GPR174: variants seen among roughly 807,000 people sequenced by gnomAD.
GPR174 encodes G protein-coupled receptor 174.
GPR174 carries 8 observed loss-of-function variants against 16.5 expected under a neutral mutation model. The ratio of observed to expected loss-of-function variants is 0.48; its 90% CI spans 0.28 to 0.87. The LOEUF (loss-of-function observed/expected upper bound fraction) is 0.87, where lower values mean the gene tolerates loss of function less well. Among genes scored for constraint, GPR174 ranks in the 40% least tolerant of loss-of-function variants. GPR174 has a pLI of 0.09. For synonymous variants in GPR174, 111 were observed against 94.8 expected (o/e 1.17, Z -0.99); for missense variants, 214 against 247.5 (o/e 0.86, Z 0.91).
rs982317197 is a variant in GPR174 at position 79,167,708 on chromosome X, C to G, written c.-556-2744C>G. Reference sequence around the variant, plus strand: ...AAAAGAGCACTTCTCAGAGCAGAGACACAGAATGCAGTCTGATTAAGAGGA... The same window carrying G: ...AAAAGAGCACTTCTCAGAGCAGAGAGACAGAATGCAGTCTGATTAAGAGGA... On this transcript the variant is annotated intron_variant, in intron 2 of 2. Transcript: ENST00000645147. Among the ~76,000 whole-genome samples, 5 of 111,996 alleles carry G rather than the reference C, an allele frequency of 4.5e-5. No homozygotes were observed. In the Admixed American group the frequency reaches 4.7e-4, roughly 11 times the overall value.
chrX:79,152,142 G>A (rs1926612254), intron 1 of GPR174, among the ~76,000 whole-genome samples: 1 of 111,523 alleles, frequency 9.0e-6, no homozygotes, highest in African/African-American at 3.3e-5. Context: ...ATTGTACACA[G>A]AGGCTCTCCT....
At chrX:79,148,858 G>A (rs143176351) in intron 1 of GPR174, among the ~76,000 whole-genome samples, 1,958 of 111,408 alleles carry the variant, frequency 0.018, 70 homozygotes, top group Admixed American at 0.11. Flanking sequence ...TTAAGTATAG[G>A]ATGACAGTGA....
intron 2 of GPR174, among the ~76,000 whole-genome samples, chrX:79,170,243 T>G (rs1001595903): frequency 1.8e-5 from 2 of 111,870 alleles, no homozygotes; most frequent in Non-Finnish European, 3.8e-5. Context: ...TTCATGAATT[T>G]TGAGTAACAA....
At chrX:79,157,995 G>T (rs758985534) in intron 2 of GPR174, among the ~76,000 whole-genome samples, 1 of 107,704 alleles carries the variant, frequency 9.3e-6, no homozygotes, top group Non-Finnish European at 1.9e-5. Context: ...CTCCTGTAGC[G>T]CACATATCCC....
At chrX:79,156,458 A>G (rs2147451383) in intron 1 of GPR174, among the ~76,000 whole-genome samples, 1 of 112,105 alleles carries the variant, frequency 8.9e-6, no homozygotes, top group South Asian at 3.8e-4. Context: ...TGAGAAAAAG[A>G]CAACTTTTAC....
rs771463391 is a variant in GPR174 at position 79,172,718 on chromosome X, G to C, written c.*709G>C. On this transcript the variant is annotated 3_prime_UTR_variant, in exon 3 of 3. Transcript: ENST00000645147. ...ACCCTCTGTGACTGGAAAAGATGCC[G>C]TGTTGCATCTACCTAGGACAGGTAG... 1 of 111,671 alleles carries C rather than the reference G, an allele frequency of 9.0e-6. No homozygotes were observed. Among genetic ancestry groups the C allele is most frequent in the African/African-American group, 3.3e-5 (1 of 30,691 alleles). 9.2% of individuals were successfully genotyped at this position (111,671 alleles called of 1,213,427 possible).
chrX:79,147,029 G>C (rs1926514408), intron 1 of GPR174, among the ~76,000 whole-genome samples: 1 of 111,868 alleles, frequency 8.9e-6, no homozygotes, highest in South Asian at 3.7e-4. Context: ...TAGGTCTCAA[G>C]AATCAGTCTC....
chrX:79,169,203 A>G (rs73509623), intron 2 of GPR174, among the ~76,000 whole-genome samples: 16,081 of 108,584 alleles, frequency 0.15, 996 homozygotes, highest in African/African-American at 0.18. Context: ...TATGCTGAGG[A>G]AAAAAAAAAT....
chrX:79,151,051 A>C (rs1926591723), intron 1 of GPR174, among the ~76,000 whole-genome samples: 1 of 110,928 alleles, frequency 9.0e-6, no homozygotes, highest in African/African-American at 3.3e-5. Context: ...TTCTAAATCA[A>C]GTATATTTTT....
chrX:79,166,551 G>A (rs1289924518), intron 2 of GPR174, among the ~76,000 whole-genome samples: 1 of 95,974 alleles, frequency 1.0e-5, no homozygotes, highest in Non-Finnish European at 2.0e-5. Context: ...CGATTCTCCT[G>A]CCTCAGTGTC....
Position 79,172,157 on chromosome X carries a change from C to T in GPR174, c.*148C>T. 1.8e-6 allele frequency: 1 copy of T among 546,549 alleles called. No homozygotes were observed. Among genetic ancestry groups the T allele is most frequent in the Non-Finnish European group, 2.9e-6 (1 of 348,025 alleles). 45.0% of individuals were successfully genotyped at this position (546,549 alleles called of 1,213,427 possible). A position where few individuals can be genotyped will look rare whatever the true frequency, so the allele number is the denominator to read the frequency against. On this transcript the variant is annotated 3_prime_UTR_variant, in exon 3 of 3. Transcript: ENST00000645147. ...CTATGGGGAATTCACTTCTTCAAAGCAGGACCTATTTGGAGCATTACGATC... is the reference window on the plus strand; with the variant it reads ...CTATGGGGAATTCACTTCTTCAAAGTAGGACCTATTTGGAGCATTACGATC...
Position 79,171,970 on chromosome X carries a change from T to A in GPR174, c.963T>A (p.Ser321Arg). The A allele has an allele frequency of 8.3e-7, 1 of 1,204,341 alleles. No homozygotes were observed. The highest frequency in any genetic ancestry group is 1.1e-6 in the Non-Finnish European group (1 of 892,153). ...AACTCCATGCAAAATCCTTTGTGAG[T>A]AACCATACAGCTTCCACCATGACAC... ...SIQLHAKSFVSNHTASTMTPE... is the reference protein window; with the variant it reads ...SIQLHAKSFVRNHTASTMTPE... Residue 321 changes from serine to arginine, a missense_variant, in exon 3 of 3, where the codon AGT (serine) becomes AGA (arginine). Coordinates refer to ENST00000645147, the MANE Select transcript of GPR174 (RefSeq NM_032553.3).
intron 1 of GPR174, among the ~76,000 whole-genome samples, chrX:79,152,686 A>G (rs1342688587): frequency 9.0e-6 from 1 of 111,690 alleles, no homozygotes; most frequent in African/African-American, 3.3e-5. Context: ...ACAGGCACCA[A>G]TCACAAGTTT....
In GPR174 at chrX:79,172,309, A is replaced by G; in HGVS notation, c.*300A>G. The G allele has an allele frequency of 8.4e-6, 2 of 237,249 alleles. No homozygotes were observed. Among genetic ancestry groups the G allele is most frequent in the South Asian group, 3.8e-4 (2 of 5,306 alleles). The allele number at this position is 237,249 out of a possible 1,213,427, so 19.6% of individuals were successfully genotyped here. A position where few individuals can be genotyped will look rare whatever the true frequency, so the allele number is the denominator to read the frequency against. ...ACTGTAGTCAGTACTTTTACCTGTG[A>G]ACCTCAGGCACAAAAAGATTATTAG... On this transcript the variant is annotated 3_prime_UTR_variant, in exon 3 of 3. Transcript: ENST00000645147.
intron 1 of GPR174, among the ~76,000 whole-genome samples, chrX:79,147,524 A>G (rs1046043632): frequency 7.4e-5 from 7 of 95,096 alleles, no homozygotes; most frequent in African/African-American, 2.7e-4. Flanking sequence ...AAAAAAACCC[A>G]AAGTGCAAAC....
chrX:79,167,860 T>C (rs1921414456), intron 2 of GPR174, among the ~76,000 whole-genome samples: 1 of 112,005 alleles, frequency 8.9e-6, no homozygotes, highest in African/African-American at 3.2e-5. Flanking sequence ...CTTCATGAAA[T>C]TGACCTTTGA....
At chrX:79,167,190 T>C (rs887681767) in intron 2 of GPR174, among the ~76,000 whole-genome samples, 3 of 112,175 alleles carry the variant, frequency 2.7e-5, no homozygotes, top group African/African-American at 9.7e-5. Context: ...AATAACTGAA[T>C]TGGTTTTGAT....
rs146231527 is a variant in GPR174 at position 79,171,613 on chromosome X, A to G, written c.606A>G (p.Leu202=). The change falls in exon 3 of 3, where the codon CTA becomes CTG. Residue 202 remains leucine, a synonymous_variant. Coordinates refer to ENST00000645147, the MANE Select transcript of GPR174 (RefSeq NM_032553.3). ...TTGTAACTCCGCTTCTGATTGTCCT[A>G]TATTGTACCTGGAAGACGGTTTTAT... is the stretch of plus-strand genomic sequence containing the variant. The part of the protein sequence containing the change: ...IGFVTPLLIV[L]YCTWKTVLSL... 5.6e-4 allele frequency: 683 copies of G among 1,209,154 alleles called. 1 individual carries two copies. The African/African-American group carries it at 0.011, about 19-fold the overall frequency.
chrX:79,170,582 T>C lies in GPR174; in HGVS notation c.-426T>C, dbSNP rs1447031770. 8.1e-6 allele frequency: 1 copy of C among 123,159 alleles called. No homozygotes were observed. The highest frequency in any genetic ancestry group is 3.2e-5 in the African/African-American group (1 of 30,782). 10.1% of individuals were successfully genotyped at this position (123,159 alleles called of 1,213,427 possible). ...TGCACTAAAGCAATCCTTTCTTCTATGTGAGCCAAAAAAAGAAAAACGGCC... is the reference window on the plus strand; with the variant it reads ...TGCACTAAAGCAATCCTTTCTTCTACGTGAGCCAAAAAAAGAAAAACGGCC... On this transcript the variant is annotated 5_prime_UTR_variant, in exon 3 of 3. It removes an upstream start codon present in the reference 5' UTR. Coordinates refer to ENST00000645147, the MANE Select transcript of GPR174 (RefSeq NM_032553.3).
Sources: allele counts gnomAD v4.1 joint callset (sites outside exome capture counted in the v4.1 genomes callset), GRCh38; gene constraint gnomAD v4.1.1; transcripts MANE v1.5; gene names NCBI Gene and HGNC (gene_info 2026-07-23, HGNC 2026-07-21).